MBNL1: variants seen among roughly 807,000 people sequenced by gnomAD.
The protein encoded by MBNL1 is muscleblind-like protein 1.
Under a neutral mutation model 42.2 loss-of-function variants are expected in MBNL1, and 8 were observed. The observed-to-expected ratio is 0.19, with a 90% CI of 0.11 to 0.34. MBNL1 has a LOEUF of 0.34. Among genes scored for constraint, MBNL1 ranks in the 10% least tolerant of loss-of-function variants. MBNL1 has a pLI of 1.00. For missense variants in MBNL1, 309 were observed against 495.3 expected (o/e 0.62, Z 3.57); for synonymous variants, 169 against 173.9 (o/e 0.97, Z 0.22).
At chr3:152,312,020 T>C (rs910594339) in intron 2 of MBNL1, among the ~76,000 whole-genome samples, 3 of 151,418 alleles carry the variant, frequency 2.0e-5, no homozygotes, top group Non-Finnish European at 4.4e-5. Context: ...TGAAACCCCG[T>C]CTCTACTAAA....
intron 2 of MBNL1, among the ~76,000 whole-genome samples, chr3:152,247,296 A>G (rs2033292921): frequency 6.6e-6 from 1 of 152,070 alleles, no homozygotes; most frequent in African/African-American, 2.4e-5. Context: ...TTTATTTTTA[A>G]TAAATGTAAA....
intron 2 of MBNL1, among the ~76,000 whole-genome samples, chr3:152,346,926 T>G (rs1436052935): frequency 1.3e-5 from 2 of 150,978 alleles, no homozygotes; most frequent in Non-Finnish European, 2.9e-5. Flanking sequence ...CGCTTGTAAT[T>G]CCAGCACTTT....
intron 2 of MBNL1, among the ~76,000 whole-genome samples, chr3:152,310,081 A>T (rs1326967312): frequency 3.3e-5 from 5 of 152,202 alleles, no homozygotes; most frequent in Non-Finnish European, 1.5e-5. Context: ...ACCGCTGCAT[A>T]GTCAGTGTAG....
intron 1 of MBNL1, among the ~76,000 whole-genome samples, chr3:152,278,598 G>C (rs890770366): frequency 1.3e-5 from 2 of 152,112 alleles, no homozygotes; most frequent in African/African-American, 2.4e-5. Context: ...TTTGAGGACT[G>C]AGATTTTAAA....
intron 2 of MBNL1, among the ~76,000 whole-genome samples, chr3:152,307,369 A>G (rs1419320621): frequency 6.6e-6 from 1 of 152,216 alleles, no homozygotes; most frequent in Non-Finnish European, 1.5e-5. Flanking sequence ...AACAGGTCCC[A>G]AGTGATTTTA....
intron 2 of MBNL1, among the ~76,000 whole-genome samples, chr3:152,312,420 G>A (rs1044618228): frequency 3.3e-5 from 5 of 152,094 alleles, no homozygotes; most frequent in Non-Finnish European, 4.4e-5. Context: ...AATTTAGTCA[G>A]ACAGCCAATT....
chr3:152,351,840 T>G (rs1453235582), intron 2 of MBNL1, among the ~76,000 whole-genome samples: 2 of 152,238 alleles, frequency 1.3e-5, no homozygotes, highest in Admixed American at 6.5e-5. Context: ...TAGCACATGA[T>G]AAAGCCTTAT....
At chr3:152,394,922 G>A (rs2097862548) in intron 2 of MBNL1, among the ~76,000 whole-genome samples, 1 of 152,134 alleles carries the variant, frequency 6.6e-6, no homozygotes, top group African/African-American at 2.4e-5. Flanking sequence ...GCAGTGGAGC[G>A]ATCTCGGCTC....
chr3:152,262,772 C>G (rs1217127623), intron 2 of MBNL1: 1 of 152,140 alleles, frequency 6.6e-6, no homozygotes, highest in East Asian at 1.9e-4. Flanking sequence ...TAAATAACAA[C>G]ACAGAATTTT....
At chr3:152,373,752 G>A (rs981812899) in intron 2 of MBNL1, among the ~76,000 whole-genome samples, 2 of 152,158 alleles carry the variant, frequency 1.3e-5, no homozygotes, top group African/African-American at 4.8e-5. Context: ...AGCTGTTCCT[G>A]TTAGGCCATC....
At chr3:152,461,489 C>T (rs925374282) in intron 9 of MBNL1, among the ~76,000 whole-genome samples, 1 of 152,112 alleles carries the variant, frequency 6.6e-6, no homozygotes, top group Non-Finnish European at 1.5e-5. Flanking sequence ...ATATATTTAA[C>T]TAAATTCTGT....
chr3:152,286,320 A>G (rs1275353191), intron 1 of MBNL1, among the ~76,000 whole-genome samples: 1 of 144,180 alleles, frequency 6.9e-6, no homozygotes, highest in Non-Finnish European at 1.5e-5. Flanking sequence ...TTTATAATAC[A>G]AATATTTAAT....
chr3:152,333,962 T>A (rs930671430), intron 2 of MBNL1, among the ~76,000 whole-genome samples: 4 of 152,216 alleles, frequency 2.6e-5, no homozygotes, highest in South Asian at 2.1e-4. Context: ...AGCCTCAGTT[T>A]CCTTGTTTCC....
intron 1 of MBNL1, among the ~76,000 whole-genome samples, chr3:152,290,077 T>G: frequency 6.6e-6 from 1 of 152,100 alleles, no homozygotes; most frequent in East Asian, 1.9e-4. Flanking sequence ...TTGGGCCATA[T>G]TCAATATAAA....
intron 2 of MBNL1, among the ~76,000 whole-genome samples, chr3:152,381,911 GT>G (rs750403863): frequency 3.4e-4 from 51 of 152,148 alleles, no homozygotes; most frequent in Middle Eastern, 3.4e-3. Context: ...CTATACTTCA[GT>G]TTTTCAACTG....
In MBNL1 at chr3:152,299,915, A is replaced by G. The variant is rs1458098710; in HGVS notation, c.-279A>G. On this transcript the variant is annotated 5_prime_UTR_variant, in exon 2 of 10. Transcript: ENST00000324210. The stretch of plus-strand genomic sequence containing the variant: ...GAGCACAAGGCTGATACCAGGCCCT[A>G]CTTTTAAACGTTCATCTACTTACAA... 2 of 433,776 alleles carry G rather than the reference A, an allele frequency of 4.6e-6. No homozygotes were observed. Among genetic ancestry groups the G allele is most frequent in the Non-Finnish European group, 8.1e-6 (2 of 247,260 alleles). The allele number at this position is 433,776 out of a possible 1,614,324, so 26.9% of individuals were successfully genotyped here.
At chr3:152,336,745 T>C (rs1476119823) in intron 2 of MBNL1, among the ~76,000 whole-genome samples, 3 of 152,188 alleles carry the variant, frequency 2.0e-5, no homozygotes, top group Non-Finnish European at 4.4e-5. Context: ...CTGTGTCACT[T>C]AGAATATATA....
chr3:152,259,031 GA>G (rs1436599203), intron 2 of MBNL1, among the ~76,000 whole-genome samples: 3 of 152,220 alleles, frequency 2.0e-5, no homozygotes, highest in Admixed American at 6.5e-5. Context: ...CTCCGAAGGG[GA>G]AAAACTGTCC....
chr3:152,253,911 CA>C (rs1331454179), intron 2 of MBNL1, among the ~76,000 whole-genome samples: 33 of 152,254 alleles, frequency 2.2e-4, no homozygotes, highest in African/African-American at 7.7e-4. Flanking sequence ...AAATGTTACA[CA>C]ACATGTTGAT....
Sources: allele counts gnomAD v4.1 joint callset (sites outside exome capture counted in the v4.1 genomes callset), GRCh38; gene constraint gnomAD v4.1.1; transcripts MANE v1.5; gene names NCBI Gene and HGNC (gene_info 2026-07-23, HGNC 2026-07-21).